The following FBXL7 variants were observed in gnomAD, a reference collection of about 807,000 sequenced individuals.
FBXL7 encodes the protein F-box and leucine rich repeat protein 7.
In FBXL7, 12 loss-of-function variants were observed where a neutral mutation model predicts 38.3. The ratio of observed to expected loss-of-function variants is 0.31; its 90% confidence interval spans 0.20 to 0.51. FBXL7 has a LOEUF of 0.51. Ranked by LOEUF, FBXL7 falls within the 20% of genes least tolerant of loss-of-function variation. FBXL7 has a pLI of 0.98. For missense variants in FBXL7, 567 were observed against 676.4 expected (o/e 0.84, Z 1.79); for synonymous variants, 297 against 300.9 (o/e 0.99, Z 0.13).
rs1742270898 is a variant in FBXL7 at position 15,938,832 on chromosome 5, G to C, written c.*1646G>C. The stretch of plus-strand genomic sequence containing the variant: ...ATAGCCAGAAGAAATTCCATTGCTG[G>C]TTTTCACGAAATTCACTTGTCTTTT... On this transcript the variant is annotated 3_prime_UTR_variant, in exon 4 of 4. Transcript: ENST00000504595. 1 of 396,398 alleles carries C rather than the reference G, an allele frequency of 2.5e-6. No homozygotes were observed. Among genetic ancestry groups the C allele is most frequent in the Admixed American group, 4.4e-5 (1 of 22,692 alleles). The allele number at this position is 396,398 out of a possible 1,614,324, so 24.6% of individuals were successfully genotyped here.
At chr5:15,505,955 A>G (rs948399908) in intron 1 of FBXL7, among the ~76,000 whole-genome samples, 1 of 152,136 alleles carries the variant, frequency 6.6e-6, no homozygotes, top group African/African-American at 2.4e-5. Flanking sequence ...CTCAAATTTA[A>G]TTCCATCTTA....
chr5:15,749,622 G>A (rs369854277), intron 2 of FBXL7, among the ~76,000 whole-genome samples: 18 of 151,854 alleles, frequency 1.2e-4, no homozygotes, highest in South Asian at 4.2e-4. Context: ...GCGAGACTCC[G>A]TCTCAAAAAA....
chr5:15,867,006 G>T (rs1739746269), intron 2 of FBXL7, among the ~76,000 whole-genome samples: 1 of 152,030 alleles, frequency 6.6e-6, no homozygotes, highest in Admixed American at 6.6e-5. Context: ...GATACATTAT[G>T]GTAGGAAATA....
At chr5:15,597,732 T>A (rs992203322) in intron 1 of FBXL7, among the ~76,000 whole-genome samples, 1 of 152,222 alleles carries the variant, frequency 6.6e-6, no homozygotes, top group Non-Finnish European at 1.5e-5. Context: ...GATGAAGTGA[T>A]GCCTTCATGC....
chr5:15,888,782 C>T (rs1437521984), intron 2 of FBXL7, among the ~76,000 whole-genome samples: 1 of 152,060 alleles, frequency 6.6e-6, no homozygotes, highest in Admixed American at 6.6e-5. Flanking sequence ...TGCCTTCGAT[C>T]AAGAGTTTAT....
At chr5:15,788,659 C>T (rs370478090) in intron 2 of FBXL7, among the ~76,000 whole-genome samples, 4 of 152,044 alleles carry the variant, frequency 2.6e-5, no homozygotes, top group East Asian at 1.9e-4. Context: ...TCACTCACTC[C>T]AACATTCTTC....
In FBXL7 at chr5:15,778,617, G is replaced by A. The variant is rs555708063; in HGVS notation, c.128-149273G>A. 2.6e-5 allele frequency among the ~76,000 whole-genome samples: 4 copies of A among 152,154 alleles called. No individual in the cohort carries two copies. The East Asian group carries it at 5.8e-4, about 22-fold the overall frequency. On this transcript the variant is annotated intron_variant, in intron 2 of 3. Transcript: ENST00000504595. ...TTCACCACTCTTTCTCATCTCCATCGTTTTTCTTTTCCACTTTTTCTCATG... is the reference window on the plus strand; with the variant it reads ...TTCACCACTCTTTCTCATCTCCATCATTTTTCTTTTCCACTTTTTCTCATG...
At chr5:15,560,788 GTCTCCA>G (rs533201040) in intron 1 of FBXL7, among the ~76,000 whole-genome samples, 175 of 152,162 alleles carry the variant, frequency 1.2e-3, no homozygotes, top group African/African-American at 3.8e-3. Flanking sequence ...CCGCTGGGAT[GTCTCCA>G]TCATGATTTT....
chr5:15,711,939 C>T (rs192384943), intron 2 of FBXL7, among the ~76,000 whole-genome samples: 124 of 152,148 alleles, frequency 8.1e-4, no homozygotes, highest in South Asian at 3.7e-3. Flanking sequence ...TTTGAGCAGA[C>T]GAACCATATT....
At chr5:15,831,144 G>A (rs1051720714) in intron 2 of FBXL7, among the ~76,000 whole-genome samples, 1 of 152,200 alleles carries the variant, frequency 6.6e-6, no homozygotes, top group Non-Finnish European at 1.5e-5. Context: ...TGGGACTGCA[G>A]CAGTCTTCTC....
intron 2 of FBXL7, among the ~76,000 whole-genome samples, chr5:15,678,280 C>T (rs1167145159): frequency 1.3e-5 from 2 of 152,134 alleles, no homozygotes; most frequent in Non-Finnish European, 2.9e-5. Context: ...CTTGAGCTGA[C>T]AGGGTGGAAA....
chr5:15,875,663 G>A (rs1740170893), intron 2 of FBXL7, among the ~76,000 whole-genome samples: 1 of 152,146 alleles, frequency 6.6e-6, no homozygotes, highest in South Asian at 2.1e-4. Context: ...GCTCATCGTC[G>A]CTGGCCATTA....
At chr5:15,864,136 C>T (rs927355453) in intron 2 of FBXL7, among the ~76,000 whole-genome samples, 2 of 151,946 alleles carry the variant, frequency 1.3e-5, no homozygotes, top group Non-Finnish European at 2.9e-5. Context: ...ACTAAGACAC[C>T]ATTTCTAGAA....
chr5:15,525,771 G>A (rs1307575105), intron 1 of FBXL7, among the ~76,000 whole-genome samples: 1 of 152,178 alleles, frequency 6.6e-6, no homozygotes, highest in Non-Finnish European at 1.5e-5. Flanking sequence ...TGAACAATTT[G>A]AGCTTTGTCA....
At chr5:15,887,573 A>G (rs551401568) in intron 2 of FBXL7, among the ~76,000 whole-genome samples, 1 of 152,324 alleles carries the variant, frequency 6.6e-6, no homozygotes, top group Admixed American at 6.5e-5. Context: ...ATGTCTAACA[A>G]GTATAAATAT....
rs1185180427 is a variant in FBXL7, at chr5:15,639,847, G to A, written c.127+23775G>A. Among the ~76,000 whole-genome samples the A allele has an allele frequency of 2.6e-5, 4 of 152,122 alleles. No individual in the cohort carries two copies. In the East Asian group the frequency reaches 7.7e-4, roughly 29 times the overall value. ...CAGGTAGAAGGATCTGGAAGCTGGGGCCGAGGGAACACAGACAATGCTGGG... is the reference window on the plus strand; with the variant it reads ...CAGGTAGAAGGATCTGGAAGCTGGGACCGAGGGAACACAGACAATGCTGGG... On this transcript the variant is annotated intron_variant, in intron 2 of 3. Coordinates refer to ENST00000504595, the MANE Select transcript of FBXL7 (RefSeq NM_012304.5).
intron 2 of FBXL7, among the ~76,000 whole-genome samples, chr5:15,896,423 C>T (rs1741104812): frequency 6.6e-6 from 1 of 152,204 alleles, no homozygotes; most frequent in East Asian, 1.9e-4. Flanking sequence ...TGAAAAAAGC[C>T]TCTAAAACGA....
chr5:15,770,552 G>C (rs73752303), intron 2 of FBXL7, among the ~76,000 whole-genome samples: 9 of 152,034 alleles, frequency 5.9e-5, no homozygotes, highest in Admixed American at 2.6e-4. Context: ...ATAAACGAAC[G>C]AGTAGCTACT....
chr5:15,678,958 C>T (rs1742750202), intron 2 of FBXL7, among the ~76,000 whole-genome samples: 1 of 152,174 alleles, frequency 6.6e-6, no homozygotes, highest in Non-Finnish European at 1.5e-5. Flanking sequence ...CATAAAATTT[C>T]AGGCAGCTAC....
Sources: gnomAD v4.1 joint callset for allele counts (sites outside exome capture counted in the v4.1 genomes callset) on GRCh38, gnomAD v4.1.1 for gene constraint, MANE v1.5 for transcripts, NCBI Gene and HGNC (gene_info 2026-07-23, HGNC 2026-07-21) for gene names.